RRN3: variants seen among roughly 807,000 people sequenced by gnomAD.
RRN3 encodes the protein RNA polymerase I-specific transcription initiation factor RRN3.
A neutral mutation model predicts 82.3 loss-of-function variants in RRN3; 38 were observed. That is an observed-to-expected ratio of 0.46 (90% CI 0.36 to 0.61). RRN3 has a LOEUF of 0.61. Ranked by LOEUF, RRN3 falls within the 20% of genes least tolerant of loss-of-function variation. RRN3 has a pLI of 0.00. For synonymous variants in RRN3, 284 were observed against 284.3 expected (o/e 1.00, Z 0.01); for missense variants, 726 against 793.1 (o/e 0.92, Z 1.02).
Position 15,086,273 on chromosome 16 carries a change from G to C in RRN3, c.343-15C>G, listed in dbSNP as rs1430298473. 1 of 1,562,360 alleles carries C rather than the reference G, an allele frequency of 6.4e-7. No homozygotes were observed. The highest frequency in any genetic ancestry group is 2.3e-5 in the East Asian group (1 of 44,242). On this transcript the variant is annotated splice_polypyrimidine_tract_variant and intron_variant, in intron 4 of 17. Transcript: ENST00000198767. ...CAAGGCAATCTCTAGAGTGGGGGAA[G>C]AAAGATAAAAGCAGCATGTTATTAA...
chr16:15,061,800 G>A lies in RRN3; in HGVS notation c.1900C>T (p.Pro634Ser). The change falls in exon 18 of 18, where the codon CCT (proline) becomes TCT (serine). Residue 634 changes from proline (P) to serine (S), a missense_variant. Pro to Ser is a moderately conservative substitution (Grantham distance 74). Around this residue, in one of 4 missense-constraint regions of RRN3, gnomAD observed 166 missense variants for 154.8 expected, o/e 1.07. Coordinates refer to ENST00000198767, the MANE Select transcript of RRN3 (RefSeq NM_018427.5). Reference sequence around the variant, plus strand: ...GGTGGGGAGCCCACACTACTTGAAGGACTTCGGAAATGCGTGTCAAAGGAG... The same window carrying A: ...GGTGGGGAGCCCACACTACTTGAAGAACTTCGGAAATGCGTGTCAAAGGAG... ...PSSFDTHFRS[P>S]SSSVGSPPVL... 1.2e-6 allele frequency: 2 copies of A among 1,614,176 alleles called. No individual in the cohort carries two copies. Among genetic ancestry groups the A allele is most frequent in the South Asian group, 1.1e-5 (1 of 91,088 alleles).
intron 17 of RRN3, among the ~76,000 whole-genome samples, chr16:15,062,847 G>A (rs572272283): frequency 5.3e-5 from 8 of 152,340 alleles, no homozygotes; most frequent in Non-Finnish European, 7.3e-5. Context: ...AAGGCAGAAT[G>A]AGTAAGACAC....
chr16:15,084,726 A>G (rs1260415038), intron 6 of RRN3, 21 bp from the exon 7 acceptor site: 1 of 1,594,590 alleles, frequency 6.3e-7, no homozygotes, highest in East Asian at 2.2e-5. Context: ...AAAAGTTCAG[A>G]GTATGAGCAT....
At chr16:15,093,816 G>A (rs866415798) in intron 1 of RRN3, 24 of 404,170 alleles carry the variant, frequency 5.9e-5, no homozygotes, top group Non-Finnish European at 9.3e-5. Flanking sequence ...ACATAGCCCA[G>A]GGAAATCCCT....
At chr16:15,071,605 TA>T (rs1210644491) in intron 12 of RRN3, among the ~76,000 whole-genome samples, 1 of 151,972 alleles carries the variant, frequency 6.6e-6, no homozygotes, top group African/African-American at 2.4e-5. Flanking sequence ...CTGTCTCTAC[TA>T]AAAATACAAA....
chr16:15,083,271 C>T (rs1292982923), intron 8 of RRN3, among the ~76,000 whole-genome samples: 3 of 152,142 alleles, frequency 2.0e-5, no homozygotes, highest in Non-Finnish European at 2.9e-5. Context: ...TGGTGGTAGG[C>T]GCCTGCAGTC....
At chr16:15,072,871 C>T (rs2045295743) in intron 12 of RRN3, 79 bp downstream of exon 12, 14 of 1,417,120 alleles carry the variant, frequency 9.9e-6, no homozygotes, top group South Asian at 2.4e-5. Context: ...TCATGGTCTC[C>T]GTCCACCCCA....
intron 1 of RRN3, 165 bp downstream of exon 1, chr16:15,093,980 C>G (rs2046245505): frequency 1.5e-6 from 1 of 675,022 alleles, no homozygotes; most frequent in African/African-American, 1.8e-5. Context: ...TGTCTATTAC[C>G]CAGTTAGGAG....
At chr16:15,077,388 G>C (rs868333406) in intron 9 of RRN3, among the ~76,000 whole-genome samples, 3 of 152,046 alleles carry the variant, frequency 2.0e-5, no homozygotes, top group Non-Finnish European at 4.4e-5. Context: ...TACTGTTCTC[G>C]TGATAGTGAA....
chr16:15,080,027 G>A lies in RRN3; in HGVS notation c.736C>T (p.Leu246Phe). The A allele has an allele frequency of 6.3e-7, 1 of 1,599,124 alleles. No homozygotes were observed. Among genetic ancestry groups the A allele is most frequent in the South Asian group, 1.1e-5 (1 of 88,264 alleles). Reference protein sequence around the residue: ...FPTLRHEILELIIEKLLKLDV... With the variant: ...FPTLRHEILEFIIEKLLKLDV... ...AACTTGAGTAGTTTTTCAATAATAA[G>A]CTCCAGAATTTCATGCCTCAAGGTT... The change falls in exon 9 of 18, where the codon CTT becomes TTT. Residue 246 changes from leucine (L) to phenylalanine (F), a missense_variant. Transcript: ENST00000198767.
intron 1 of RRN3, among the ~76,000 whole-genome samples, chr16:15,093,301 G>A (rs1375384361): frequency 1.3e-5 from 2 of 152,198 alleles, no homozygotes; most frequent in African/African-American, 4.8e-5. Flanking sequence ...ACCGCGCCCG[G>A]CCTAGATTTT....
At chr16:15,083,959 G>A (rs1290841910) in intron 7 of RRN3, among the ~76,000 whole-genome samples, 8 of 152,064 alleles carry the variant, frequency 5.3e-5, no homozygotes, top group Non-Finnish European at 7.4e-5. Flanking sequence ...CAGGTGATCC[G>A]CCCGCCTCGG....
Position 15,060,153 on chromosome 16 carries a change from A to G in RRN3, c.*1591T>C, listed in dbSNP as rs2044660945. 2 of 418,498 alleles carry G rather than the reference A, an allele frequency of 4.8e-6. No individual in the cohort carries two copies. The highest frequency in any genetic ancestry group is 3.6e-5 in the South Asian group (2 of 54,820). The allele number at this position is 418,498 out of a possible 1,614,324, so 25.9% of individuals were successfully genotyped here. A position where few individuals can be genotyped will look rare whatever the true frequency, so the allele number is the denominator to read the frequency against. On this transcript the variant is annotated 3_prime_UTR_variant, in exon 18 of 18. Transcript: ENST00000198767. ...TTTGAAATTAAACAGACTTATATGT[A>G]AATGTCTTTCTACATTAAAACTACT...
chr16:15,085,529 G>C, intron 6 of RRN3, 110 bp downstream of exon 6: 3 of 1,488,146 alleles, frequency 2.0e-6, no homozygotes, highest in Non-Finnish European at 2.8e-6. Flanking sequence ...TGTTGCCCAG[G>C]CTGGTCTCAA....
At chr16:15,063,117 A>G (rs2044782773) in intron 17 of RRN3, 79 bp downstream of exon 17, 1 of 1,105,824 alleles carries the variant, frequency 9.0e-7, no homozygotes. Context: ...CGCACGAACG[A>G]CTTGCCACTT....
chr16:15,089,412 C>G (rs1201926373), intron 3 of RRN3, among the ~76,000 whole-genome samples: 10 of 152,032 alleles, frequency 6.6e-5, no homozygotes, highest in Admixed American at 1.3e-4. Context: ...GAGGAGATCA[C>G]ACAGAAGAAT....
intron 3 of RRN3, among the ~76,000 whole-genome samples, chr16:15,089,552 G>T (rs1398895689): frequency 1.3e-5 from 2 of 152,130 alleles, no homozygotes; most frequent in Non-Finnish European, 2.9e-5. Flanking sequence ...TCTAATCCCA[G>T]CACTTTGGGA....
chr16:15,088,116 CAAAA>C lies in RRN3; in HGVS notation c.253-1666_253-1663del, dbSNP rs549883666. Reference sequence around the variant, plus strand: ...GGGCAACAAGAGCAAAACTCCGTCTCAAAAAGAAAAAAAAAAAGTAAATCAGTTG... The same window carrying C: ...GGGCAACAAGAGCAAAACTCCGTCTCAGAAAAAAAAAAAGTAAATCAGTTG... On this transcript the variant is annotated intron_variant, in intron 3 of 17. Transcript: ENST00000198767. Among the ~76,000 whole-genome samples the C allele has an allele frequency of 2.9e-3, 434 of 149,012 alleles. 4 individuals are homozygous for C. The highest frequency in any genetic ancestry group is 0.01 in the African/African-American group (406 of 40,320).
intron 8 of RRN3, among the ~76,000 whole-genome samples, chr16:15,082,822 T>C (rs1360970763): frequency 6.6e-6 from 1 of 152,180 alleles, no homozygotes; most frequent in African/African-American, 2.4e-5. Context: ...GATCTGAACA[T>C]TGTACAAAAA....
Sources: gnomAD v4.1 joint callset for allele counts (sites outside exome capture counted in the v4.1 genomes callset) on GRCh38, gnomAD v4.1.1 for gene constraint, gnomAD v4.1.1 regional missense constraint, MANE v1.5 for transcripts, NCBI Gene and HGNC (gene_info 2026-07-23, HGNC 2026-07-21) for gene names.